AFF1: variants seen among roughly 807,000 people sequenced by gnomAD.
AFF1 encodes the protein ALF transcription elongation factor 1.
In AFF1, 48 loss-of-function variants were observed where a neutral mutation model predicts 121.7. The ratio of observed to expected loss-of-function variants is 0.39; its 90% CI spans 0.31 to 0.50. The LOEUF is 0.50. Among genes scored for constraint, AFF1 ranks in the 20% least tolerant of loss-of-function variants. The probability of loss-of-function intolerance (pLI) is 0.76; values close to 1 mark genes in which losing one functional copy is unlikely to be tolerated. For missense variants in AFF1, 1,523 were observed against 1,511.7 expected (o/e 1.01, Z -0.12); for synonymous variants, 613 against 563.0 (o/e 1.09, Z -1.26).
chr4:87,081,457 C>T (rs764592007), intron 4 of AFF1, among the ~76,000 whole-genome samples: 12 of 152,080 alleles, frequency 7.9e-5, no homozygotes, highest in Admixed American at 3.9e-4. Flanking sequence ...CCACTGCGCC[C>T]GGCCGTATGA....
intron 7 of AFF1, among the ~76,000 whole-genome samples, chr4:87,093,457 C>G (rs1225109502): frequency 2.0e-5 from 3 of 152,198 alleles, no homozygotes; most frequent in Admixed American, 2.0e-4. Context: ...ACTCTGATTT[C>G]TTCAACACTT....
intron 5 of AFF1, among the ~76,000 whole-genome samples, chr4:87,088,166 T>C (rs887719031): frequency 6.0e-5 from 3 of 50,134 alleles, no homozygotes; most frequent in Admixed American, 3.0e-4. Flanking sequence ...AGGATTGGAG[T>C]TAGGATTCAA....
At chr4:87,027,633 A>G (rs1414354134) in intron 2 of AFF1, among the ~76,000 whole-genome samples, 1 of 152,158 alleles carries the variant, frequency 6.6e-6, no homozygotes, top group Non-Finnish European at 1.5e-5. Context: ...TATTTTTTCT[A>G]ACATTATGAA....
intron 4 of AFF1, among the ~76,000 whole-genome samples, chr4:87,060,471 A>G (rs1276938502): frequency 6.6e-6 from 1 of 152,116 alleles, no homozygotes; most frequent in Non-Finnish European, 1.5e-5. Flanking sequence ...TTTTTTGGGA[A>G]TGAGTCATCC....
intron 2 of AFF1, among the ~76,000 whole-genome samples, chr4:87,013,058 T>TTTTTTTTTG (rs1726958868): frequency 1.4e-5 from 1 of 71,620 alleles, no homozygotes; most frequent in Admixed American, 1.9e-4. Flanking sequence ...TTTTTTTTTT[T>TTTTTTTTTG]GGGAGACGGA....
intron 2 of AFF1, among the ~76,000 whole-genome samples, chr4:87,045,362 G>A (rs529497606): frequency 3.3e-5 from 5 of 151,976 alleles, no homozygotes; most frequent in Admixed American, 2.0e-4. Context: ...CCTTGGTGCT[G>A]ACAATGAGGC....
intron 10 of AFF1, among the ~76,000 whole-genome samples, chr4:87,106,641 C>T (rs778596234): frequency 6.6e-6 from 1 of 152,170 alleles, no homozygotes; most frequent in Non-Finnish European, 1.5e-5. Flanking sequence ...AATAAGCCAG[C>T]CATACTTTAG....
chr4:87,007,363 G>A, intron 2 of AFF1: 1 of 1,613,104 alleles, frequency 6.2e-7, no homozygotes, highest in South Asian at 1.1e-5. Flanking sequence ...CCCGCGGGGT[G>A]AAGGCGCTCA....
intron 12 of AFF1, among the ~76,000 whole-genome samples, chr4:87,121,642 A>G (rs1053775393): frequency 7.2e-5 from 11 of 152,262 alleles, no homozygotes; most frequent in African/African-American, 2.7e-4. Context: ...AAATCAGCAG[A>G]AGGGGACTTT....
At chr4:86,981,271 C>T (rs1264046352) in intron 2 of AFF1, among the ~76,000 whole-genome samples, 1 of 152,170 alleles carries the variant, frequency 6.6e-6, no homozygotes, top group Non-Finnish European at 1.5e-5. Flanking sequence ...CTCAGCCTCC[C>T]AAACTTAACA....
At chr4:86,997,253 T>C (rs1203200581) in intron 2 of AFF1, among the ~76,000 whole-genome samples, 2 of 152,082 alleles carry the variant, frequency 1.3e-5, no homozygotes, top group Non-Finnish European at 2.9e-5. Flanking sequence ...TGCAGTAGCA[T>C]GTTTGCATGC....
chr4:86,950,094 AG>A, intron 2 of AFF1: 2 of 1,614,050 alleles, frequency 1.2e-6, no homozygotes, highest in Non-Finnish European at 1.7e-6. Context: ...CCCCAGTAGT[AG>A]GTGCAGTTCT....
chr4:87,001,834 T>C (rs1725751005), intron 2 of AFF1, among the ~76,000 whole-genome samples: 1 of 152,200 alleles, frequency 6.6e-6, no homozygotes, highest in South Asian at 2.1e-4. Context: ...ATCTCCTCCC[T>C]CTTCCTGTGT....
intron 8 of AFF1, among the ~76,000 whole-genome samples, chr4:87,098,692 T>TAC (rs1725119064): frequency 6.6e-6 from 1 of 152,228 alleles, no homozygotes; most frequent in African/African-American, 2.4e-5. Context: ...TTTTCTTGTT[T>TAC]TTGGCCTCTG....
intron 11 of AFF1, among the ~76,000 whole-genome samples, chr4:87,112,614 A>C (rs914566011): frequency 6.6e-6 from 1 of 152,214 alleles, no homozygotes; most frequent in Non-Finnish European, 1.5e-5. Flanking sequence ...CATATTTTGC[A>C]TCATGGATTT....
chr4:86,969,974 T>C (rs1432474379), intron 2 of AFF1, among the ~76,000 whole-genome samples: 2 of 151,372 alleles, frequency 1.3e-5, no homozygotes, highest in African/African-American at 4.9e-5. Flanking sequence ...AGATATCTTA[T>C]TTTTGTGGGT....
chr4:87,105,692 G>A lies in AFF1; in HGVS notation c.1338+10G>A. On this transcript the variant is annotated intron_variant, in intron 9 of 20. Transcript: ENST00000395146. ...CAGTGACAGTGAACAAGTAAGTGTT[G>A]CACAGCCTGTAATACCAGGAGTCCT... The A allele has an allele frequency of 6.2e-7, 1 of 1,614,122 alleles. No individual in the cohort carries two copies. Among genetic ancestry groups the A allele is most frequent in the Non-Finnish European group, 8.5e-7 (1 of 1,180,006 alleles).
At position 87,138,791 on chromosome 4, in the gene AFF1, AC is replaced by A. The variant is rs1319440132; in HGVS notation, c.*3091del. ...TCTGATATTATGATTTGATTACAATACTGAATGGGAAAAGTATCTAATATTT... is the reference window on the plus strand; with the variant it reads ...TCTGATATTATGATTTGATTACAATATGAATGGGAAAAGTATCTAATATTT... On this transcript the variant is annotated 3_prime_UTR_variant, in exon 21 of 21. Transcript: ENST00000395146. The A allele has an allele frequency of 4.4e-6, 1 of 229,842 alleles. No individual in the cohort carries two copies. The highest frequency in any genetic ancestry group is 2.2e-5 in the African/African-American group (1 of 45,186). 14.2% of individuals were successfully genotyped at this position (229,842 alleles called of 1,614,324 possible). A position where few individuals can be genotyped will look rare whatever the true frequency, so the allele number is the denominator to read the frequency against.
At chr4:86,975,981 C>T (rs1325506483) in intron 2 of AFF1, among the ~76,000 whole-genome samples, 1 of 152,010 alleles carries the variant, frequency 6.6e-6, no homozygotes, top group Non-Finnish European at 1.5e-5. Context: ...CAAGTAATTA[C>T]GGTATCATAT....
Sources: allele counts gnomAD v4.1 joint callset (sites outside exome capture counted in the v4.1 genomes callset), GRCh38; gene constraint gnomAD v4.1.1; transcripts MANE v1.5; gene names NCBI Gene and HGNC (gene_info 2026-07-23, HGNC 2026-07-21).